PDE4D: variants seen among roughly 807,000 people sequenced by gnomAD.
PDE4D encodes the protein phosphodiesterase 4D.
In PDE4D, 24 loss-of-function variants were observed where a neutral mutation model predicts 87.4. The observed-to-expected ratio is 0.27, with a 90% confidence interval of 0.20 to 0.39. The LOEUF (loss-of-function observed/expected upper bound fraction) is 0.39, where lower values mean the gene tolerates loss of function less well. PDE4D is among the 10% of genes least tolerant of loss of function. The pLI is 1.00. For missense variants in PDE4D, 714 were observed against 1,041.0 expected, an observed-to-expected ratio of 0.69 and a Z score of 4.32; for synonymous variants, 384 against 383.2, an observed-to-expected ratio of 1.00 and a Z score of -0.02.
intron 3 of PDE4D, among the ~76,000 whole-genome samples, chr5:59,189,744 A>T (rs1581269421): frequency 6.6e-6 from 1 of 152,320 alleles, no homozygotes; most frequent in African/African-American, 2.4e-5. Flanking sequence ...ACACCAAAAG[A>T]TTTCAACACA....
intron 1 of PDE4D, among the ~76,000 whole-genome samples, chr5:59,336,069 CA>C (rs1777603018): frequency 6.6e-6 from 1 of 152,204 alleles, no homozygotes; most frequent in Middle Eastern, 3.2e-3. Context: ...ACGGTTAAGG[CA>C]CTTCAAGGTA....
intron 11 of PDE4D, among the ~76,000 whole-genome samples, chr5:58,987,043 A>T (rs914595493): frequency 6.6e-6 from 1 of 152,196 alleles, no homozygotes; most frequent in African/African-American, 2.4e-5. Context: ...AAAATTCAGA[A>T]TATCTCAAGA....
chr5:60,356,034 C>A (rs918397849), intron 1 of PDE4D, among the ~76,000 whole-genome samples: 10 of 152,078 alleles, frequency 6.6e-5, no homozygotes, highest in Non-Finnish European at 1.5e-4. Context: ...AAAATAAGTT[C>A]TCTCTCACAT....
At chr5:60,413,714 TA>T (rs1209967960) in intron 1 of PDE4D, among the ~76,000 whole-genome samples, 9 of 118,806 alleles carry the variant, frequency 7.6e-5, no homozygotes, top group South Asian at 2.9e-4. Context: ...TTTTTTCGTT[TA>T]TTTTTTTTTT....
intron 1 of PDE4D, among the ~76,000 whole-genome samples, chr5:59,393,966 A>G (rs943079793): frequency 5.3e-5 from 8 of 152,234 alleles, no homozygotes; most frequent in African/African-American, 1.7e-4. Flanking sequence ...GGTTAGAAAT[A>G]GTATTTTTTA....
chr5:59,261,644 G>A (rs1188523036), intron 1 of PDE4D, among the ~76,000 whole-genome samples: 1 of 151,416 alleles, frequency 6.6e-6, no homozygotes, highest in African/African-American at 2.4e-5. Context: ...TTTTCCTGAT[G>A]TGCCCTTTTT....
intron 1 of PDE4D, among the ~76,000 whole-genome samples, chr5:60,299,170 T>C (rs1273672736): frequency 6.6e-6 from 1 of 152,236 alleles, no homozygotes; most frequent in African/African-American, 2.4e-5. Context: ...AGCTTCTGGC[T>C]AAAATCATGT....
chr5:60,239,103 T>C (rs1746774877), intron 1 of PDE4D, among the ~76,000 whole-genome samples: 2 of 152,124 alleles, frequency 1.3e-5, no homozygotes, highest in Non-Finnish European at 2.9e-5. Context: ...AAATCTTTAC[T>C]ATTCTTTTCA....
intron 1 of PDE4D, among the ~76,000 whole-genome samples, chr5:59,537,410 T>C (rs1388943775): frequency 6.6e-6 from 1 of 152,226 alleles, no homozygotes; most frequent in Non-Finnish European, 1.5e-5. Flanking sequence ...TTGTCAGAAA[T>C]AAATTATTCA....
intron 1 of PDE4D, among the ~76,000 whole-genome samples, chr5:59,788,866 AG>A (rs1343783134): frequency 1.3e-5 from 2 of 152,250 alleles, no homozygotes; most frequent in Non-Finnish European, 2.9e-5. Context: ...AGGAAAAATT[AG>A]AAAGTTCACT....
chr5:59,450,430 A>G (rs76942025), intron 1 of PDE4D, among the ~76,000 whole-genome samples: 2,802 of 152,232 alleles, frequency 0.018, 90 homozygotes, highest in African/African-American at 0.065. Context: ...AGCACTGAGT[A>G]CACTGTGTCC....
At chr5:60,109,760 G>A (rs1582705903) in intron 2 of PDE4D, among the ~76,000 whole-genome samples, 1 of 150,684 alleles carries the variant, frequency 6.6e-6, no homozygotes, top group Non-Finnish European at 1.5e-5. Flanking sequence ...CTATCGCAAG[G>A]ACAAAAAACC....
intron 1 of PDE4D, among the ~76,000 whole-genome samples, chr5:60,281,058 GA>G (rs926184346): frequency 9.2e-5 from 14 of 152,170 alleles, no homozygotes; most frequent in African/African-American, 3.4e-4. Context: ...AACTAGTTTA[GA>G]AATAAATATT....
At chr5:60,099,346 C>A (rs1011795327) in intron 2 of PDE4D, among the ~76,000 whole-genome samples, 3 of 151,736 alleles carry the variant, frequency 2.0e-5, no homozygotes, top group Admixed American at 6.6e-5. Context: ...ATATTCCTAC[C>A]AACATTTGGG....
intron 1 of PDE4D, among the ~76,000 whole-genome samples, chr5:59,595,805 T>C (rs1436635456): frequency 6.6e-6 from 1 of 152,044 alleles, no homozygotes; most frequent in Admixed American, 6.6e-5. Context: ...TATTTCTTTT[T>C]AAAAATCTTA....
At chr5:60,079,497 T>G (rs2152902509) in intron 2 of PDE4D, among the ~76,000 whole-genome samples, 2 of 152,342 alleles carry the variant, frequency 1.3e-5, no homozygotes, top group South Asian at 4.1e-4. Context: ...TCTACTGTTT[T>G]TATTGTTTTG....
chr5:59,479,784 C>T (rs145902097), intron 1 of PDE4D, among the ~76,000 whole-genome samples: 58 of 152,184 alleles, frequency 3.8e-4, no homozygotes, highest in Admixed American at 7.9e-4. Flanking sequence ...ATTCCAGCTG[C>T]TTGTCCTTTT....
intron 2 of PDE4D, among the ~76,000 whole-genome samples, chr5:60,053,233 G>A (rs1283944172): frequency 6.6e-6 from 1 of 152,114 alleles, no homozygotes; most frequent in East Asian, 1.9e-4. Context: ...ACATTGCCAA[G>A]ACAATCCTAA....
chr5:60,226,277 T>C (rs1217298767), intron 1 of PDE4D, among the ~76,000 whole-genome samples: 4 of 152,138 alleles, frequency 2.6e-5, no homozygotes, highest in Non-Finnish European at 5.9e-5. Flanking sequence ...ATGTCACATA[T>C]GGTGACAGCT....
Sources: allele counts gnomAD v4.1 joint callset (sites outside exome capture counted in the v4.1 genomes callset), GRCh38; gene constraint gnomAD v4.1.1; transcripts MANE v1.5; gene names NCBI Gene and HGNC (gene_info 2026-07-23, HGNC 2026-07-21).